EED: variants seen among roughly 807,000 people sequenced by gnomAD.
The protein encoded by EED is embryonic ectoderm development.
Under a neutral mutation model 61.0 loss-of-function variants are expected in EED, and 9 were observed. The ratio of observed to expected loss-of-function variants is 0.15; its 90% CI spans 0.09 to 0.26. EED has a LOEUF of 0.26. Ranked by LOEUF, EED falls within the 10% of genes least tolerant of loss-of-function variation. The pLI is 1.00. For missense variants in EED, 315 were observed against 542.3 expected (o/e 0.58, Z 4.16); for synonymous variants, 187 against 174.4 (o/e 1.07, Z -0.57).
intron 8 of EED, chr11:86,267,766 A>ATTTTTTTTTTTTTTTTTTTTTT (rs36185703): frequency 3.7e-5 from 4 of 108,750 alleles, no homozygotes; most frequent in Non-Finnish European, 5.4e-5. Flanking sequence ...TGCCTGGCTA[A>ATTTTTTTTTTTTTTTTTTTTTT]TTTTTTTTTT....
At chr11:86,259,070 G>A (rs1945759935) in intron 6 of EED, among the ~76,000 whole-genome samples, 1 of 150,354 alleles carries the variant, frequency 6.7e-6, no homozygotes, top group Non-Finnish European at 1.5e-5. Context: ...GTTTCTCCAT[G>A]TTGGCCAGGC....
At chr11:86,257,144 T>C (rs538254646) in intron 5 of EED, among the ~76,000 whole-genome samples, 1 of 151,636 alleles carries the variant, frequency 6.6e-6, no homozygotes, top group African/African-American at 2.4e-5. Context: ...CAAGCGATCC[T>C]CCTGCCTCAG....
downstream of EED, among the ~76,000 whole-genome samples, chr11:86,281,039 C>G (rs562942565): frequency 1.2e-4 from 18 of 152,274 alleles, no homozygotes; most frequent in African/African-American, 4.3e-4. Context: ...GTGGATGATT[C>G]TTTTAATGTA....
At position 86,268,556 on chromosome 11, in the gene EED, T is replaced by G; in HGVS notation, c.961T>G (p.Ser321Ala). The change falls in exon 9 of 12, where the codon TCT becomes GCT. Residue 321 changes from serine to alanine, a missense_variant. Coordinates refer to ENST00000263360, the MANE Select transcript of EED (RefSeq NM_003797.5). The stretch of plus-strand genomic sequence containing the variant: ...GCGATGGTTAGGCGATTTGATACTT[T>G]CTAAGGTATGGTAACTGCAGTTAAG... Reference protein sequence around the residue: ...CVRWLGDLILSKSCENAIVCW... With the variant: ...CVRWLGDLILAKSCENAIVCW... The G allele has an allele frequency of 6.2e-7, 1 of 1,608,426 alleles. No homozygotes were observed. The highest frequency in any genetic ancestry group is 8.5e-7 in the Non-Finnish European group (1 of 1,176,590).
intron 1 of EED, 96 bp downstream of exon 1, chr11:86,245,439 GA>G: frequency 2.1e-6 from 2 of 964,174 alleles, no homozygotes; most frequent in Non-Finnish European, 3.1e-6. Context: ...GCTGTGGGGG[GA>G]GGGAGAGGTG....
rs754641304 is a variant in EED at position 86,278,567 on chromosome 11, G to T, written c.*42G>T. 54 of 1,599,894 alleles carry T rather than the reference G, an allele frequency of 3.4e-5. No individual in the cohort carries two copies. The highest frequency in any genetic ancestry group is 4.4e-5 in the Non-Finnish European group (52 of 1,171,404). On this transcript the variant is annotated 3_prime_UTR_variant, in exon 12 of 12. Coordinates refer to ENST00000263360, the MANE Select transcript of EED (RefSeq NM_003797.5). ...CAAAATTAGAGTGTGTTTGTTGTCT[G>T]TGTAAAATAGAATTAATGTATCTTG...
rs1186239339 is a variant in EED, at chr11:86,245,292, G to C, written c.63G>C (p.Gln21His). Residue 21 changes from glutamine (Q) to histidine (H), a missense_variant, in exon 1 of 12, where the codon CAG becomes CAC. Gln to His is a conservative substitution (Grantham distance 24). Around this residue, in one of 2 missense-constraint regions of EED, gnomAD observed 110 missense variants for 86.9 expected, o/e 1.27. Coordinates refer to ENST00000263360, the MANE Select transcript of EED (RefSeq NM_003797.5). ...CAGACATGCCTGCGGCCAAGAAGCA[G>C]AAGCTGAGCAGTGACGAGAACAGCA... ...AGTDMPAAKK[Q>H]KLSSDENSNP... 2 of 1,613,664 alleles carry C rather than the reference G, an allele frequency of 1.2e-6. No homozygotes were observed. The highest frequency in any genetic ancestry group is 1.7e-6 in the Non-Finnish European group (2 of 1,179,992).
intron 9 of EED, among the ~76,000 whole-genome samples, chr11:86,269,323 G>GGTGT (rs138312744): frequency 5.3e-5 from 8 of 149,848 alleles, no homozygotes; most frequent in South Asian, 2.1e-4. Flanking sequence ...AGGCCATCTG[G>GGTGT]GTGTGTGTGT....
chr11:86,255,899 A>C (rs1945657922), intron 4 of EED, among the ~76,000 whole-genome samples: 1 of 152,222 alleles, frequency 6.6e-6, no homozygotes, highest in Non-Finnish European at 1.5e-5. Context: ...AAGACAAGGC[A>C]AGGACATTCA....
chr11:86,261,181 T>C (rs1001549219), intron 6 of EED, among the ~76,000 whole-genome samples: 2 of 152,196 alleles, frequency 1.3e-5, no homozygotes, highest in East Asian at 3.8e-4. Context: ...AAATCAGGCA[T>C]CTTATCTATT....
chr11:86,247,637 C>T (rs796520554), intron 1 of EED, among the ~76,000 whole-genome samples: 13 of 152,108 alleles, frequency 8.5e-5, no homozygotes, highest in African/African-American at 3.1e-4. Flanking sequence ...TTTTTTTCCC[C>T]ATTTGAGTTC....
intron 6 of EED, among the ~76,000 whole-genome samples, chr11:86,262,526 AC>A (rs1945859053): frequency 6.6e-6 from 1 of 152,102 alleles, no homozygotes. Context: ...CAGTGGCACA[AC>A]CTCTGCTCCC....
At chr11:86,265,982 G>C in intron 7 of EED, 101 bp from the exon 8 acceptor site, 1 of 1,009,516 alleles carries the variant, frequency 9.9e-7, no homozygotes, top group South Asian at 1.8e-5. Flanking sequence ...TTTGTATTGT[G>C]ATTTGAAATA....
At chr11:86,268,395 AAG>A (rs1565700673) in intron 8 of EED, 59 bp from the exon 9 acceptor site, 9 of 1,104,302 alleles carry the variant, frequency 8.1e-6, no homozygotes, top group Non-Finnish European at 1.2e-5. Flanking sequence ...AAAAATGAAA[AAG>A]AGTATGATTC....
At chr11:86,264,093 A>T in intron 6 of EED, 79 bp from the exon 7 acceptor site, 1 of 1,091,148 alleles carries the variant, frequency 9.2e-7, no homozygotes, top group Non-Finnish European at 1.4e-6. Context: ...TCTAGACTTT[A>T]GTAGTTTTTC....
At chr11:86,286,041 T>C in the EED span, among the ~76,000 whole-genome samples, 1 of 151,538 alleles carries the variant, frequency 6.6e-6, no homozygotes, top group Admixed American at 6.6e-5. Flanking sequence ...GTAACTCCAC[T>C]TTTATTTGAG....
intron 4 of EED, 109 bp from the exon 5 acceptor site, chr11:86,256,278 G>C: frequency 9.3e-7 from 1 of 1,078,554 alleles, no homozygotes; most frequent in Non-Finnish European, 1.3e-6. Context: ...AAGGAAAATT[G>C]AGAACTTTGG....
intron 1 of EED, among the ~76,000 whole-genome samples, chr11:86,246,188 G>A (rs2138117783): frequency 6.6e-6 from 1 of 152,260 alleles, no homozygotes; most frequent in African/African-American, 2.4e-5. Flanking sequence ...TAATTGACTC[G>A]CCAGTAAGAG....
chr11:86,266,182 G>C lies in EED; in HGVS notation c.826G>C (p.Glu276Gln). 6.2e-7 allele frequency: 1 copy of C among 1,602,798 alleles called. No individual in the cohort carries two copies. ...NSKRMMNAIKESYDYNPNKTN... is the reference protein window; with the variant it reads ...NSKRMMNAIKQSYDYNPNKTN... ...AAAGAGAATGATGAATGCAATTAAGGAATCTTATGATTATAATCCAAATAA... is the reference window on the plus strand; with the variant it reads ...AAAGAGAATGATGAATGCAATTAAGCAATCTTATGATTATAATCCAAATAA... The change falls in exon 8 of 12, where the codon GAA becomes CAA. Residue 276 changes from glutamate to glutamine, a missense_variant. Glu to Gln is a conservative substitution (Grantham distance 29). This residue lies in a region of EED where 205 missense variants were observed against 455.4 expected (regional missense o/e 0.45). Transcript: ENST00000263360.
Sources: gnomAD v4.1 joint callset for allele counts (sites outside exome capture counted in the v4.1 genomes callset) on GRCh38, gnomAD v4.1.1 for gene constraint, gnomAD v4.1.1 regional missense constraint, MANE v1.5 for transcripts, NCBI Gene and HGNC (gene_info 2026-07-23, HGNC 2026-07-21) for gene names.